DMD: variants seen among roughly 807,000 people sequenced by gnomAD.
DMD encodes mutant dystrophin.
Under a neutral mutation model 330.1 loss-of-function variants are expected in DMD, and 63 were observed. The ratio of observed to expected loss-of-function variants is 0.19; its 90% CI spans 0.16 to 0.24. The LOEUF (loss-of-function observed/expected upper bound fraction) is 0.24, where lower values mean the gene tolerates loss of function less well. Among genes scored for constraint, DMD ranks in the 10% least tolerant of loss-of-function variants. The probability of loss-of-function intolerance (pLI) is 1.00; values close to 1 mark genes in which losing one functional copy is unlikely to be tolerated. For synonymous variants in DMD, 1,223 were observed against 959.8 expected (o/e 1.27, Z -5.07); for missense variants, 3,344 against 2,684.1 (o/e 1.25, Z -5.43).
At chrX:31,885,883 G>A (rs1190002424) in intron 47 of DMD, among the ~76,000 whole-genome samples, 4 of 110,260 alleles carry the variant, frequency 3.6e-5, no homozygotes, top group Non-Finnish European at 5.7e-5. Context: ...AATTTTATGG[G>A]GACTAGAAGA....
chrX:32,493,901 G>A (rs747682989), intron 19 of DMD, among the ~76,000 whole-genome samples: 1 of 111,089 alleles, frequency 9.0e-6, no homozygotes, highest in Non-Finnish European at 1.9e-5. Flanking sequence ...GTATTAAACA[G>A]GCAAAAAAGA....
chrX:31,928,438 C>G (rs1041734845), intron 47 of DMD, among the ~76,000 whole-genome samples: 2 of 110,707 alleles, frequency 1.8e-5, no homozygotes, highest in Admixed American at 1.9e-4. Context: ...AACCCCATCT[C>G]TACTAAAAAT....
chrX:33,336,159 T>G (rs1205994122), intron 1 of DMD, among the ~76,000 whole-genome samples: 1 of 110,817 alleles, frequency 9.0e-6, no homozygotes, highest in Non-Finnish European at 1.9e-5. Context: ...TTCCTTCCTA[T>G]TTTTCACTTT....
intron 44 of DMD, among the ~76,000 whole-genome samples, chrX:32,185,382 T>A (rs1263915500): frequency 1.8e-5 from 2 of 111,183 alleles, no homozygotes; most frequent in Non-Finnish European, 3.8e-5. Flanking sequence ...TAACTCCCAG[T>A]CTGGCTGCAC....
At chrX:31,536,698 T>C (rs1404877486) in intron 55 of DMD, among the ~76,000 whole-genome samples, 1 of 111,754 alleles carries the variant, frequency 8.9e-6, no homozygotes, top group Non-Finnish European at 1.9e-5. Context: ...AAACTACCAG[T>C]AGCTATGCCC....
At chrX:31,554,357 T>C (rs2147782318) in intron 55 of DMD, among the ~76,000 whole-genome samples, 1 of 111,819 alleles carries the variant, frequency 8.9e-6, no homozygotes, top group South Asian at 3.8e-4. Flanking sequence ...GCTTCCAAGA[T>C]GATGCTAATG....
chrX:32,617,912 G>T (rs1442214564), intron 11 of DMD, among the ~76,000 whole-genome samples: 1 of 111,308 alleles, frequency 9.0e-6, no homozygotes, highest in East Asian at 2.8e-4. Context: ...ATAGGCAAAA[G>T]ACCAAAATAG....
intron 1 of DMD, among the ~76,000 whole-genome samples, chrX:33,131,250 C>T (rs768550002): frequency 3.7e-4 from 41 of 111,055 alleles, no homozygotes; most frequent in Admixed American, 3.6e-3. Context: ...GGCCCCTAGA[C>T]CCGTGGTTCT....
At chrX:31,473,424 TA>T (rs2067464072) in intron 59 of DMD, among the ~76,000 whole-genome samples, 1 of 99,757 alleles carries the variant, frequency 1.0e-5, no homozygotes. Flanking sequence ...AACAAAACAT[TA>T]AAAAACAGCA....
At chrX:33,008,901 CACATACTCATATAT>C (rs2093470252) in intron 2 of DMD, among the ~76,000 whole-genome samples, 1 of 84,443 alleles carries the variant, frequency 1.2e-5, no homozygotes, top group African/African-American at 4.0e-5. Flanking sequence ...TGTATATATA[CACATACTCATATAT>C]GTATATATAC....
At chrX:33,167,177 T>C (rs775902089) in intron 1 of DMD, among the ~76,000 whole-genome samples, 1 of 111,817 alleles carries the variant, frequency 8.9e-6, no homozygotes, top group South Asian at 3.7e-4. Context: ...TGAAGAACAT[T>C]TAAAAACACA....
chrX:32,478,103 G>A (rs1352511694), intron 21 of DMD, among the ~76,000 whole-genome samples: 5 of 111,600 alleles, frequency 4.5e-5, no homozygotes, highest in Non-Finnish European at 9.4e-5. Flanking sequence ...TGCTTAGATA[G>A]AAGCTGGAAA....
chrX:32,552,881 G>A (rs998178966), intron 16 of DMD, among the ~76,000 whole-genome samples: 2 of 111,795 alleles, frequency 1.8e-5, no homozygotes, highest in Admixed American at 9.5e-5. Flanking sequence ...TTTGACACCA[G>A]TGAGAATGGC....
At chrX:32,580,775 A>C (rs2053571334) in intron 13 of DMD, among the ~76,000 whole-genome samples, 1 of 111,815 alleles carries the variant, frequency 8.9e-6, no homozygotes, top group East Asian at 2.8e-4. Flanking sequence ...CAAGAATTGA[A>C]AATTTTTACC....
intron 53 of DMD, among the ~76,000 whole-genome samples, chrX:31,676,251 C>CT (rs1333384070): frequency 8.9e-6 from 1 of 112,023 alleles, no homozygotes; most frequent in Non-Finnish European, 1.9e-5. Flanking sequence ...CTCCTCCTGT[C>CT]TATTTTCACA....
At chrX:32,361,568 G>C (rs185392809) in intron 37 of DMD, among the ~76,000 whole-genome samples, 643 of 111,634 alleles carry the variant, frequency 5.8e-3, no homozygotes, top group Non-Finnish European at 9.9e-3. Context: ...AAGGGTAACT[G>C]TGTCTCATGC....
At chrX:32,693,986 C>A (rs147951920) in intron 9 of DMD, among the ~76,000 whole-genome samples, 2 of 111,838 alleles carry the variant, frequency 1.8e-5, no homozygotes, top group African/African-American at 6.5e-5. Flanking sequence ...TTAGGATTTC[C>A]CAGACATCGT....
At chrX:32,022,046 A>T (rs760384110) in intron 44 of DMD, among the ~76,000 whole-genome samples, 7 of 112,234 alleles carry the variant, frequency 6.2e-5, no homozygotes, top group Non-Finnish European at 1.1e-4. Flanking sequence ...CTTCTAAGTA[A>T]GTCATTTTTT....
intron 1 of DMD, among the ~76,000 whole-genome samples, chrX:33,117,228 G>A (rs896492523): frequency 9.0e-6 from 1 of 111,234 alleles, no homozygotes; most frequent in Non-Finnish European, 1.9e-5. Context: ...AAAAAATGGG[G>A]AAATGCTGGT....
Sources: gnomAD v4.1 joint callset for allele counts (sites outside exome capture counted in the v4.1 genomes callset) on GRCh38, gnomAD v4.1.1 for gene constraint, MANE v1.5 for transcripts, NCBI Gene and HGNC (gene_info 2026-07-23, HGNC 2026-07-21) for gene names.